Variants in ARHGAP9 observed in about 807,000 individuals in gnomAD.
The protein encoded by ARHGAP9 is Rho GTPase activating protein 9, also known as rho GTPase-activating protein 9.
A neutral mutation model predicts 87.3 loss-of-function variants in ARHGAP9; 76 were observed. The ratio of observed to expected loss-of-function variants is 0.87; its 90% CI spans 0.72 to 1.05. ARHGAP9 has a LOEUF of 1.05. ARHGAP9 is among the 50% of genes least tolerant of loss of function. The probability of loss-of-function intolerance (pLI) is 0.00; values close to 1 mark genes in which losing one functional copy is unlikely to be tolerated. For missense variants in ARHGAP9, 941 were observed against 960.5 expected (o/e 0.98, Z 0.27); for synonymous variants, 382 against 394.9 (o/e 0.97, Z 0.39).
chr12:57,477,586 C>A lies in ARHGAP9; in HGVS notation c.629G>T (p.Cys210Phe), dbSNP rs777194562. ...CPRSPPPGPA[C>F]PLLQRLDAWE... Reference sequence around the variant, plus strand: ...GGCATCCAGCCTCTGCAGCAGGGGGCATGCAGGGCCTGGGGGTGGGGACCG... The same window carrying A: ...GGCATCCAGCCTCTGCAGCAGGGGGAATGCAGGGCCTGGGGGTGGGGACCG... The change falls in exon 4 of 18, where the codon TGC becomes TTC. Residue 210 changes from cysteine (C) to phenylalanine (F), a missense_variant. Cys to Phe is a radical substitution (Grantham distance 205, BLOSUM62 -2). Transcript: ENST00000393791. The A allele has an allele frequency of 2.5e-6, 4 of 1,612,810 alleles. No homozygotes were observed. The highest frequency in any genetic ancestry group is 2.5e-6 in the Non-Finnish European group (3 of 1,179,326).
At chr12:57,474,306 G>A in intron 15 of ARHGAP9, 117 bp downstream of exon 15, 1 of 1,571,988 alleles carries the variant, frequency 6.4e-7, no homozygotes, top group Non-Finnish European at 8.7e-7. Flanking sequence ...AGTGGGGCAA[G>A]GTAGCTAAGG....
chr12:57,488,375 C>T (rs955176393), intron 1 of ARHGAP9: 143 of 718,814 alleles, frequency 2.0e-4, no homozygotes, highest in African/African-American at 1.8e-3. Flanking sequence ...TCTTTCACTT[C>T]CTTTAATTAC....
intron 1 of ARHGAP9, chr12:57,488,504 C>T: frequency 6.9e-7 from 1 of 1,439,142 alleles, no homozygotes. Context: ...ATCAGGCATC[C>T]CCCTCTGCTC....
At chr12:57,488,038 A>T in intron 1 of ARHGAP9, 1 of 1,512,990 alleles carries the variant, frequency 6.6e-7, no homozygotes, top group Non-Finnish European at 9.2e-7. Flanking sequence ...AGGCCGCTGA[A>T]CTCAGAAGCG....
Position 57,477,205 on chromosome 12 carries a change from G to A in ARHGAP9, c.821C>T (p.Ala274Val), listed in dbSNP as rs1818633711. The change falls in exon 5 of 18, where the codon GCA (alanine) becomes GTA (valine). Residue 274 changes from alanine (A) to valine (V), a missense_variant. Physicochemically the swap from Ala to Val is moderately conservative, Grantham distance 64. Coordinates refer to ENST00000393791, the MANE Select transcript of ARHGAP9 (RefSeq NM_032496.4). ...KRNNDVLQPQ[A>V]KGFRSDTGTP... is the part of the protein sequence containing the mutation. ...CCCTGTGTCAGATCTGAAGCCCTTT[G>A]CCTGAGGTTGCAGGACATCATTGTT... 3 of 1,609,152 alleles carry A rather than the reference G, an allele frequency of 1.9e-6. No homozygotes were observed. In the South Asian group the frequency reaches 3.3e-5, roughly 18 times the overall value.
Position 57,479,116 on chromosome 12 carries a change from G to T in ARHGAP9, c.291C>A (p.Ile97=), listed in dbSNP as rs559023094. 8.7e-6 allele frequency: 14 copies of T among 1,614,226 alleles called. No individual in the cohort carries two copies. In the African/African-American group the frequency reaches 9.3e-5, roughly 11 times the overall value. The stretch of plus-strand genomic sequence containing the variant: ...CAGGAGTCCAGAGCAATTGGCCGGG[G>T]ATGACGGTAGTTGGACTCTGGGAAG... ...SIPSQSPTTV[I]PGQLLWTPGP... The change falls in exon 2 of 18, where the codon ATC becomes ATA. Residue 97 remains isoleucine (I), a synonymous_variant. Transcript: ENST00000393791.
upstream of ARHGAP9, among the ~76,000 whole-genome samples, chr12:57,481,807 G>C (rs1174437988): frequency 6.6e-6 from 1 of 152,122 alleles, no homozygotes; most frequent in Non-Finnish European, 1.5e-5. Flanking sequence ...TTCCTTGTCT[G>C]TGGCATGAGA....
upstream of ARHGAP9, chr12:57,480,803 C>G (rs530091541): frequency 1.8e-5 from 28 of 1,550,576 alleles, no homozygotes; most frequent in East Asian, 6.8e-4. Flanking sequence ...TTCCTCTTCT[C>G]TCAGCTTCTC....
intron 8 of ARHGAP9, 50 bp downstream of exon 8, chr12:57,476,314 A>G: frequency 1.3e-6 from 2 of 1,593,624 alleles, no homozygotes; most frequent in Non-Finnish European, 1.7e-6. Flanking sequence ...CATTGGCGTG[A>G]GGCGGTAGGC....
chr12:57,475,326 G>C lies in ARHGAP9; in HGVS notation c.1517C>G (p.Pro506Arg). 6.2e-7 allele frequency: 1 copy of C among 1,602,360 alleles called. No individual in the cohort carries two copies. Among genetic ancestry groups the C allele is most frequent in the African/African-American group, 1.3e-5 (1 of 74,958 alleles). Residue 506 changes from proline to arginine, a missense_variant, in exon 12 of 18, where the codon CCC becomes CGC. Physicochemically the swap from Pro to Arg is moderately radical, Grantham distance 103. Transcript: ENST00000393791. ...ACCCCGCTCCTGCAGGCTTTGTAAG[G>C]GCGGTCTCTTCGCGATGAGCCGCTT... ...KLKRLIAKRP[P>R]LQSLQERGLL... is the part of the protein sequence containing the mutation.
chr12:57,479,609 G>C, intron 1 of ARHGAP9, 121 bp downstream of exon 1: 4 of 1,539,868 alleles, frequency 2.6e-6, no homozygotes, highest in African/African-American at 1.4e-5. Flanking sequence ...AGAACTCCTG[G>C]TGGTGTCTGG....
chr12:57,474,064 C>G lies in ARHGAP9; in HGVS notation c.1896G>C (p.Leu632=). ...LPQPLVPPLL[L]PHFRAALALS... ...TACCAAGGGCAGCACGGAAATGGGG[C>G]AGCAGCAGTGGTGGCACCAGAGGCT... Residue 632 remains leucine, a synonymous_variant, in exon 16 of 18, where the codon CTG becomes CTC. Transcript: ENST00000393791. 5.6e-6 allele frequency: 9 copies of G among 1,613,932 alleles called. No homozygotes were observed. Among genetic ancestry groups the G allele is most frequent in the Non-Finnish European group, 7.6e-6 (9 of 1,179,928 alleles).
Position 57,486,676 on chromosome 12 carries a change from G to A in ARHGAP9, c.-204+1936C>T, listed in dbSNP as rs1875433595. Among the ~76,000 whole-genome samples the A allele has an allele frequency of 2.7e-5, 4 of 149,090 alleles. No individual in the cohort carries two copies. The South Asian group carries it at 8.4e-4, about 31-fold the overall frequency. On this transcript the variant is annotated intron_variant, in intron 1 of 20. Transcript: ENST00000393797. ...TGAGGCGGGCGGATCACGAGGTCGG[G>A]GGATCGAGACCATCCTGGCTAACAC...
intron 12 of ARHGAP9, 51 bp from the exon 13 acceptor site, chr12:57,475,024 G>T: frequency 6.4e-7 from 1 of 1,560,090 alleles, no homozygotes; most frequent in Non-Finnish European, 8.8e-7. Context: ...ACTCACAGGA[G>T]CTCTTCTCAG....
In ARHGAP9 at chr12:57,475,024, GC is replaced by G. The variant is rs765398007; in HGVS notation, c.1553-52del. 12 of 1,560,096 alleles carry G rather than the reference GC, an allele frequency of 7.7e-6. No individual in the cohort carries two copies. In the South Asian group the frequency reaches 1.3e-4, roughly 17 times the overall value. On this transcript the variant is annotated intron_variant, in intron 12 of 17. Transcript: ENST00000393791. ...GCCAGTGCCAGCGTCACTCACAGGA[GC>G]TCTTCTCAGCATAGGTCTTTATCCT...
intron 1 of ARHGAP9, chr12:57,488,088 G>C: frequency 1.2e-6 from 2 of 1,613,588 alleles, no homozygotes; most frequent in Non-Finnish European, 1.7e-6. Flanking sequence ...GATTCACGGC[G>C]AAATGAGACT....
chr12:57,477,791 C>G, intron 3 of ARHGAP9, 111 bp from the exon 4 acceptor site: 1 of 1,538,716 alleles, frequency 6.5e-7, no homozygotes, highest in Non-Finnish European at 8.7e-7. Flanking sequence ...TCACCGCCAG[C>G]TCTGGGCTGA....
Position 57,475,360 on chromosome 12 carries a change from T to TG in ARHGAP9, c.1482dup (p.Asn495GlnfsTer55). ...TTCGCGATGAGCCGCTTTAGTTTGT[T>TG]GCGCACGCGGTTCTGCTCGGTGCCT... On this transcript the variant is annotated frameshift_variant, in exon 12 of 18. Transcript: ENST00000393791. LOFTEE classifies it high-confidence loss of function. The TG allele has an allele frequency of 1.2e-6, 2 of 1,603,246 alleles. No homozygotes were observed. Among genetic ancestry groups the TG allele is most frequent in the Non-Finnish European group, 1.7e-6 (2 of 1,174,848 alleles).
rs1380366665 is a variant in ARHGAP9 at position 57,475,348 on chromosome 12, G to A, written c.1495C>T (p.Arg499Trp). 3.1e-6 allele frequency: 5 copies of A among 1,603,580 alleles called. No individual in the cohort carries two copies. The highest frequency in any genetic ancestry group is 4.3e-6 in the Non-Finnish European group (5 of 1,174,930). ...EQNRVRNKLK[R>W]LIAKRPPLQS... Reference sequence around the variant, plus strand: ...AAGGGCGGTCTCTTCGCGATGAGCCGCTTTAGTTTGTTGCGCACGCGGTTC... The same window carrying A: ...AAGGGCGGTCTCTTCGCGATGAGCCACTTTAGTTTGTTGCGCACGCGGTTC... The change falls in exon 12 of 18, where the codon CGG becomes TGG. Residue 499 changes from arginine (R) to tryptophan (W), a missense_variant. Physicochemically the swap from Arg to Trp is moderately radical, Grantham distance 101. Coordinates refer to ENST00000393791, the MANE Select transcript of ARHGAP9 (RefSeq NM_032496.4).
Sources: gnomAD v4.1 joint callset for allele counts (sites outside exome capture counted in the v4.1 genomes callset) on GRCh38, gnomAD v4.1.1 for gene constraint, MANE v1.5 for transcripts, NCBI Gene and HGNC (gene_info 2026-07-23, HGNC 2026-07-21) for gene names.